The following BCAS1 variants were observed in gnomAD, a reference collection of about 807,000 sequenced individuals.
BCAS1 encodes the protein breast carcinoma-amplified sequence 1.
In BCAS1, 46 loss-of-function variants were observed where a neutral mutation model predicts 65.4. That is an observed-to-expected ratio of 0.70 (90% CI 0.55 to 0.90). BCAS1 has a LOEUF of 0.90. BCAS1 is among the 40% of genes least tolerant of loss of function. The pLI, the probability that BCAS1 is intolerant of heterozygous loss-of-function variation, is 0.00. For synonymous variants in BCAS1, 298 were observed against 293.5 expected (o/e 1.02, Z -0.16); for missense variants, 793 against 771.2 (o/e 1.03, Z -0.33).
At chr20:54,037,846 G>A (rs1209142098) in intron 3 of BCAS1, among the ~76,000 whole-genome samples, 1 of 150,990 alleles carries the variant, frequency 6.6e-6, no homozygotes, top group African/African-American at 2.4e-5. Context: ...TAGAAGGGAG[G>A]GAAGATGAAC....
chr20:54,019,539 G>A lies in BCAS1; in HGVS notation c.723+8853C>T, dbSNP rs146096168. ...ACTTGATTGGATTGAAGGATGCCTAGATGGCTGGTAAAGTATTGTTTCTGG... is the reference window on the plus strand; with the variant it reads ...ACTTGATTGGATTGAAGGATGCCTAAATGGCTGGTAAAGTATTGTTTCTGG... On this transcript the variant is annotated intron_variant, in intron 4 of 12. Transcript: ENST00000688948. Among the ~76,000 whole-genome samples the A allele has an allele frequency of 6.9e-3, 1,049 of 152,298 alleles. 7 individuals are homozygous for A. The highest frequency in any genetic ancestry group is 0.044 in the South Asian group (211 of 4,826).
intron 4 of BCAS1, among the ~76,000 whole-genome samples, chr20:54,005,781 C>T (rs1259801868): frequency 1.3e-5 from 2 of 152,034 alleles, no homozygotes; most frequent in Non-Finnish European, 2.9e-5. Flanking sequence ...CAAGTAGACT[C>T]GCAGAAACAG....
intron 7 of BCAS1, among the ~76,000 whole-genome samples, chr20:53,989,927 T>C (rs1203275169): frequency 6.6e-6 from 1 of 152,216 alleles, no homozygotes; most frequent in Non-Finnish European, 1.5e-5. Context: ...AAAAAGTTAT[T>C]TCTTGTTTAT....
chr20:53,995,873 AG>A lies in BCAS1; in HGVS notation c.882+18del. Reference sequence around the variant, plus strand: ...TTTGAGCAATAGAGTGGAGGGGAAAAGAGGAGAAAACTGCTTACCAGAGTTT... The same window carrying A: ...TTTGAGCAATAGAGTGGAGGGGAAAAAGGAGAAAACTGCTTACCAGAGTTT... On this transcript the variant is annotated intron_variant, in intron 5 of 12. Transcript: ENST00000688948. 6.3e-7 allele frequency: 1 copy of A among 1,577,688 alleles called. No homozygotes were observed. The highest frequency in any genetic ancestry group is 8.6e-7 in the Non-Finnish European group (1 of 1,160,674).
At chr20:53,969,023 G>A (rs968693572) in intron 9 of BCAS1, among the ~76,000 whole-genome samples, 1 of 152,204 alleles carries the variant, frequency 6.6e-6, no homozygotes, top group Non-Finnish European at 1.5e-5. Flanking sequence ...AAGTAAGTGT[G>A]AGCCACAAGA....
intron 7 of BCAS1, among the ~76,000 whole-genome samples, chr20:53,992,295 T>A (rs1187090278): frequency 2.6e-5 from 4 of 152,194 alleles, no homozygotes. Flanking sequence ...TCCAGAACCC[T>A]GGTCCGCACT....
chr20:53,975,668 G>A (rs1439727085), intron 8 of BCAS1, among the ~76,000 whole-genome samples: 2 of 151,852 alleles, frequency 1.3e-5, no homozygotes, highest in Non-Finnish European at 2.9e-5. Flanking sequence ...CACAGATGCA[G>A]CCAGGATACA....
At chr20:53,953,326 G>T (rs1336076203) in intron 12 of BCAS1, 106 bp downstream of exon 12, 2 of 1,381,886 alleles carry the variant, frequency 1.4e-6, no homozygotes, top group Admixed American at 2.1e-5. Context: ...ATAGACCCGG[G>T]ATCCCAGTGT....
chr20:53,955,200 G>T (rs537159474), intron 11 of BCAS1, among the ~76,000 whole-genome samples: 105 of 152,278 alleles, frequency 6.9e-4, no homozygotes, highest in African/African-American at 2.0e-3. Context: ...AAGACAAACA[G>T]CAGAGACTCC....
At chr20:54,015,304 T>C (rs2091412053) in intron 4 of BCAS1, among the ~76,000 whole-genome samples, 1 of 152,180 alleles carries the variant, frequency 6.6e-6, no homozygotes, top group Non-Finnish European at 1.5e-5. Context: ...AGTGTTGGGA[T>C]TACAGGCATG....
chr20:54,043,287 C>G (rs1388563992), intron 3 of BCAS1, among the ~76,000 whole-genome samples: 1 of 144,736 alleles, frequency 6.9e-6, no homozygotes, highest in Non-Finnish European at 1.5e-5. Flanking sequence ...TTGCTTGAAG[C>G]TATGATAACT....
chr20:53,990,943 T>C lies in BCAS1; in HGVS notation c.1062+1569A>G, dbSNP rs565309237. The stretch of plus-strand genomic sequence containing the variant: ...CCCACTCTTCCAGAATCCTGTCTTT[T>C]CCCCATCTACCTCAGTGACAAGATG... On this transcript the variant is annotated intron_variant, in intron 7 of 12. Transcript: ENST00000688948. Among the ~76,000 whole-genome samples, 40 of 152,310 alleles carry C rather than the reference T, an allele frequency of 2.6e-4. No homozygotes were observed. In the South Asian group the frequency reaches 7.9e-3, roughly 30 times the overall value.
In BCAS1 at chr20:54,028,501, TC is replaced by T. The variant is rs1568894713; in HGVS notation, c.613del (p.Glu205LysfsTer39). ...DKFFKLDKGQ[E>X]KVPGDSQQEA... ...CTGTTGGCTGTCACCTGGCACCTTTTCCTGTCCCTTGTCCAGCTTGAAGAAT... is the reference window on the plus strand; with the variant it reads ...CTGTTGGCTGTCACCTGGCACCTTTTCTGTCCCTTGTCCAGCTTGAAGAAT... On this transcript the variant is annotated frameshift_variant, in exon 4 of 13. Coordinates refer to ENST00000688948, the MANE Select transcript of BCAS1 (RefSeq NM_001366298.2). LOFTEE classifies it high-confidence loss of function. 6.2e-7 allele frequency: 1 copy of T among 1,614,180 alleles called. No homozygotes were observed. Among genetic ancestry groups the T allele is most frequent in the African/African-American group, 1.3e-5 (1 of 75,036 alleles).
At chr20:54,000,130 C>T (rs929126147) in intron 4 of BCAS1, among the ~76,000 whole-genome samples, 15 of 152,186 alleles carry the variant, frequency 9.9e-5, no homozygotes, top group African/African-American at 3.1e-4. Flanking sequence ...TTATTTTTCT[C>T]CTAGTAGATT....
intron 10 of BCAS1, among the ~76,000 whole-genome samples, chr20:53,959,580 CAG>C (rs2089812838): frequency 6.6e-6 from 1 of 152,072 alleles, no homozygotes; most frequent in African/African-American, 2.4e-5. Flanking sequence ...AATTTTTTTG[CAG>C]AGACAGAGTC....
Position 53,994,995 on chromosome 20 carries a change from C to T in BCAS1, c.927+17G>A, listed in dbSNP as rs539646642. ...GCGCAAACCCAAATATATACATACA[C>T]ACTTCCAACTACCTACCGTGTCTTC... On this transcript the variant is annotated intron_variant, in intron 6 of 12. Coordinates refer to ENST00000688948, the MANE Select transcript of BCAS1 (RefSeq NM_001366298.2). 13 of 1,610,914 alleles carry T rather than the reference C, an allele frequency of 8.1e-6. No individual in the cohort carries two copies. The African/African-American group carries it at 1.5e-4, about 18-fold the overall frequency.
chr20:53,950,352 C>G (rs936700798), intron 12 of BCAS1, among the ~76,000 whole-genome samples: 6 of 152,296 alleles, frequency 3.9e-5, no homozygotes, highest in African/African-American at 1.4e-4. Flanking sequence ...CTCTTCCTGT[C>G]TGGCACCTTT....
chr20:53,974,408 C>T (rs1291646402), intron 9 of BCAS1, among the ~76,000 whole-genome samples: 6 of 152,198 alleles, frequency 3.9e-5, no homozygotes, highest in South Asian at 2.1e-4. Context: ...GAACCAACTC[C>T]GGACACAATT....
chr20:54,026,871 ACAG>A (rs1464835454), intron 4 of BCAS1, among the ~76,000 whole-genome samples: 3 of 152,214 alleles, frequency 2.0e-5, no homozygotes, highest in Non-Finnish European at 4.4e-5. Flanking sequence ...CTCCCCCAGC[ACAG>A]CACTTGGCAT....
Sources: allele counts gnomAD v4.1 joint callset (sites outside exome capture counted in the v4.1 genomes callset), GRCh38; gene constraint gnomAD v4.1.1; transcripts MANE v1.5; gene names NCBI Gene and HGNC (gene_info 2026-07-23, HGNC 2026-07-21).